Variants in MAML3 observed in about 807,000 individuals in gnomAD.
The protein encoded by MAML3 is mastermind-like protein 3.
MAML3 carries 27 observed loss-of-function variants against 101.9 expected under a neutral mutation model. The ratio of observed to expected loss-of-function variants is 0.27; its 90% confidence interval spans 0.20 to 0.37. The LOEUF (loss-of-function observed/expected upper bound fraction) is 0.37, where lower values mean the gene tolerates loss of function less well. Ranked by LOEUF, MAML3 falls within the 10% of genes least tolerant of loss-of-function variation. The probability of loss-of-function intolerance (pLI) is 1.00; values close to 1 mark genes in which losing one functional copy is unlikely to be tolerated. For synonymous variants in MAML3, 501 were observed against 555.9 expected (o/e 0.90, Z 1.39); for missense variants, 1,316 against 1,444.9 (o/e 0.91, Z 1.45).
intron 2 of MAML3, among the ~76,000 whole-genome samples, chr4:139,752,068 G>T (rs1729520361): frequency 6.6e-6 from 1 of 152,114 alleles, no homozygotes; most frequent in Admixed American, 6.5e-5. Flanking sequence ...TGTGACTTTG[G>T]GATTCGAATT....
intron 1 of MAML3, among the ~76,000 whole-genome samples, chr4:140,034,457 C>T (rs1385789844): frequency 6.6e-6 from 1 of 152,204 alleles, no homozygotes; most frequent in African/African-American, 2.4e-5. Flanking sequence ...AAAGATTTTA[C>T]TGGGTTTGAG....
At chr4:139,761,312 A>C (rs867106206) in intron 2 of MAML3, among the ~76,000 whole-genome samples, 2 of 152,332 alleles carry the variant, frequency 1.3e-5, no homozygotes, top group Middle Eastern at 6.8e-3. Flanking sequence ...ACAAAAGGGA[A>C]AACTTTTCGA....
intron 2 of MAML3, among the ~76,000 whole-genome samples, chr4:139,865,141 C>T (rs902683095): frequency 6.6e-6 from 1 of 152,010 alleles, no homozygotes; most frequent in Non-Finnish European, 1.5e-5. Flanking sequence ...GCAAATAGTG[C>T]AATTTCAAAT....
rs17005491 is a variant in MAML3 at position 140,039,357 on chromosome 4, G to A, written c.468+113503C>T. Among the ~76,000 whole-genome samples the A allele has an allele frequency of 4.2e-3, 640 of 152,150 alleles. 6 individuals are homozygous for A. The highest frequency in any genetic ancestry group is 0.014 in the African/African-American group (572 of 41,494). On this transcript the variant is annotated intron_variant, in intron 1 of 4. Coordinates refer to ENST00000509479, the MANE Select transcript of MAML3 (RefSeq NM_018717.5). The stretch of plus-strand genomic sequence containing the variant: ...TACGGTCAATTGGGCATGTTCTAGC[G>A]GAAATCCACAGGCCCACTAACTCCC...
intron 1 of MAML3, among the ~76,000 whole-genome samples, chr4:139,977,455 T>G (rs1734362753): frequency 6.6e-6 from 1 of 151,814 alleles, no homozygotes. Context: ...GACTAAGGAG[T>G]GGAAGAGTGG....
intron 1 of MAML3, among the ~76,000 whole-genome samples, chr4:140,010,060 C>T (rs1047253037): frequency 2.6e-5 from 4 of 152,062 alleles, no homozygotes; most frequent in African/African-American, 9.7e-5. Context: ...TTTTGTTTTC[C>T]ATTGCAAAGA....
At chr4:139,995,185 A>G (rs1310077265) in intron 1 of MAML3, among the ~76,000 whole-genome samples, 1 of 152,178 alleles carries the variant, frequency 6.6e-6, no homozygotes, top group African/African-American at 2.4e-5. Context: ...TAGTCTATTA[A>G]TACATTATGT....
intron 1 of MAML3, among the ~76,000 whole-genome samples, chr4:139,896,527 A>T (rs991412796): frequency 6.6e-6 from 1 of 152,074 alleles, no homozygotes; most frequent in Non-Finnish European, 1.5e-5. Context: ...ATTACTCTGA[A>T]GGAAACAATT....
chr4:140,103,151 C>A (rs1275357246), intron 1 of MAML3, among the ~76,000 whole-genome samples: 3 of 152,136 alleles, frequency 2.0e-5, no homozygotes, highest in Non-Finnish European at 4.4e-5. Flanking sequence ...ATGCTTTTTG[C>A]AAAATTACAA....
intron 1 of MAML3, among the ~76,000 whole-genome samples, chr4:139,905,847 C>T (rs1473359037): frequency 6.6e-6 from 1 of 152,108 alleles, no homozygotes; most frequent in Non-Finnish European, 1.5e-5. Context: ...ACCCTAATGC[C>T]CTCATTTTAA....
At chr4:139,789,023 G>A (rs1410450801) in intron 2 of MAML3, among the ~76,000 whole-genome samples, 1 of 152,234 alleles carries the variant, frequency 6.6e-6, no homozygotes, top group East Asian at 1.9e-4. Context: ...TACTGATACA[G>A]AAAGACTTGA....
chr4:139,833,892 CT>C (rs2111136955), intron 2 of MAML3, among the ~76,000 whole-genome samples: 1 of 151,990 alleles, frequency 6.6e-6, no homozygotes, highest in South Asian at 2.1e-4. Context: ...AGCAGAAAGC[CT>C]CTTTAATAGA....
intron 1 of MAML3, among the ~76,000 whole-genome samples, chr4:140,086,723 G>A (rs1007996996): frequency 6.6e-6 from 1 of 152,224 alleles, no homozygotes; most frequent in African/African-American, 2.4e-5. Flanking sequence ...AGAGAAGAGG[G>A]GAAGGGGACC....
intron 1 of MAML3, among the ~76,000 whole-genome samples, chr4:139,919,861 C>A (rs1268834920): frequency 6.6e-6 from 1 of 152,192 alleles, no homozygotes; most frequent in African/African-American, 2.4e-5. Context: ...AGCAGTTCAG[C>A]TGTTTCCTCT....
intron 1 of MAML3, among the ~76,000 whole-genome samples, chr4:140,046,247 G>A (rs1168949625): frequency 6.6e-6 from 1 of 152,188 alleles, no homozygotes; most frequent in Non-Finnish European, 1.5e-5. Context: ...ACCCTCTGGA[G>A]CTCTTTCTCC....
At chr4:139,753,070 G>A (rs765064253) in intron 2 of MAML3, among the ~76,000 whole-genome samples, 1 of 152,130 alleles carries the variant, frequency 6.6e-6, no homozygotes, top group African/African-American at 2.4e-5. Context: ...TTCAGGAGAG[G>A]GCTCAGCCAG....
intron 3 of MAML3, among the ~76,000 whole-genome samples, chr4:139,729,100 G>A (rs1728594259): frequency 4.0e-5 from 6 of 150,484 alleles, no homozygotes; most frequent in Non-Finnish European, 8.8e-5. Context: ...GCTGCCAGGC[G>A]GCTGACTGAC....
rs1321940287 is a variant in MAML3, at chr4:139,716,776, T to C, written c.*2547A>G. ...GATTGATTCAGATAATCTTTTATTT[T>C]TGTTTTTGTTTTCTTTAAAAGTGGT... On this transcript the variant is annotated 3_prime_UTR_variant, in exon 5 of 5. Transcript: ENST00000509479. 1 of 152,404 alleles carries C rather than the reference T, an allele frequency of 6.6e-6. No individual in the cohort carries two copies. The highest frequency in any genetic ancestry group is 1.5e-5 in the Non-Finnish European group (1 of 68,030). The allele number at this position is 152,404 out of a possible 1,614,324, so 9.4% of individuals were successfully genotyped here.
In MAML3 at chr4:139,890,123, T is replaced by C; in HGVS notation, c.1313A>G (p.Tyr438Cys). ...GQAPPRPGNG[Y>C]LLNPAAVTVA... ...TGTCACTGCTGCCGGATTCAGGAGA[T>C]AACCATTTCCAGGCCGAGGTGGAGC... The change falls in exon 2 of 5, where the codon TAT (tyrosine) becomes TGT (cysteine). Residue 438 changes from tyrosine (Y) to cysteine (C), a missense_variant. Physicochemically the swap from Tyr to Cys is radical, Grantham distance 194. Transcript: ENST00000509479. The surrounding 1 kb of genome is among the most constrained non-coding windows in gnomAD (Gnocchi z 4.1). 1 of 1,613,902 alleles carries C rather than the reference T, an allele frequency of 6.2e-7. No individual in the cohort carries two copies. Among genetic ancestry groups the C allele is most frequent in the African/African-American group, 1.3e-5 (1 of 75,052 alleles).
Sources: gnomAD v4.1 joint callset for allele counts (sites outside exome capture counted in the v4.1 genomes callset) on GRCh38, gnomAD v4.1.1 for gene constraint, Gnocchi (gnomAD v3.1) non-coding constraint, MANE v1.5 for transcripts, NCBI Gene and HGNC (gene_info 2026-07-23, HGNC 2026-07-21) for gene names.